CRYL1: variants seen among roughly 807,000 people sequenced by gnomAD.
The protein encoded by CRYL1 is crystallin lambda 1.
In CRYL1, 29 loss-of-function variants were observed where a neutral mutation model predicts 36.6. The ratio of observed to expected loss-of-function variants is 0.79; its 90% CI spans 0.59 to 1.08. CRYL1 has a LOEUF of 1.08. CRYL1 is among the 50% of genes least tolerant of loss of function. The pLI is 0.00. For missense variants in CRYL1, 411 were observed against 407.9 expected (o/e 1.01, Z -0.06); for synonymous variants, 152 against 151.5 (o/e 1.00, Z -0.02).
intron 5 of CRYL1, chr13:20,426,587 A>G: frequency 1.7e-6 from 1 of 590,758 alleles, no homozygotes; most frequent in Non-Finnish European, 2.1e-6. Context: ...AGTCAGAAAC[A>G]AGAGACACAC....
intron 3 of CRYL1, chr13:20,476,819 T>TC (rs1403829453): frequency 6.6e-6 from 1 of 152,276 alleles, no homozygotes; most frequent in Non-Finnish European, 1.5e-5. Flanking sequence ...GCCCAGGAGT[T>TC]CAAGACCAGC....
Position 20,424,587 on chromosome 13 carries a change from C to T in CRYL1, c.633+7515G>A, listed in dbSNP as rs138314708. 6.9e-3 allele frequency among the ~76,000 whole-genome samples: 1,050 copies of T among 152,296 alleles called. 6 individuals carry two copies. Among genetic ancestry groups the T allele is most frequent in the African/African-American group, 0.024 (982 of 41,558 alleles). On this transcript the variant is annotated intron_variant, in intron 5 of 7. Coordinates refer to ENST00000298248, the MANE Select transcript of CRYL1 (RefSeq NM_015974.3). ...GAAAGGCACAGCATCCTGGGGTGCC[C>T]GAGGGATCAGCTCTAAGCGGCACCT...
chr13:20,496,919 T>A (rs1185106076), intron 2 of CRYL1, among the ~76,000 whole-genome samples: 2 of 151,254 alleles, frequency 1.3e-5, no homozygotes, highest in African/African-American at 4.9e-5. Context: ...ATATGCTAAT[T>A]TTTTGGAAAA....
At chr13:20,462,191 C>CAG (rs2032844025) in intron 3 of CRYL1, among the ~76,000 whole-genome samples, 1 of 15,850 alleles carries the variant, frequency 6.3e-5, no homozygotes, top group Admixed American at 6.0e-4. Flanking sequence ...AGTGGGAGGA[C>CAG]GACCTAGTGG....
chr13:20,439,525 A>AAAAG, intron 4 of CRYL1, 68 bp downstream of exon 4: 2 of 1,076,424 alleles, frequency 1.9e-6, no homozygotes, highest in East Asian at 3.1e-5. Flanking sequence ...AAAAAAAAAA[A>AAAAG]AAAAAGAAAA....
At chr13:20,496,414 T>A (rs150529638) in intron 2 of CRYL1, among the ~76,000 whole-genome samples, 5 of 152,196 alleles carry the variant, frequency 3.3e-5, no homozygotes, top group Admixed American at 1.3e-4. Context: ...AATTTAGAAA[T>A]AAGTCGATTT....
At chr13:20,429,728 G>A (rs542302756) in intron 5 of CRYL1, among the ~76,000 whole-genome samples, 157 of 152,200 alleles carry the variant, frequency 1.0e-3, no homozygotes, top group African/African-American at 3.6e-3. Context: ...GCATGTCAGC[G>A]GCTACTTCAC....
chr13:20,426,717 A>G (rs2031941646), intron 5 of CRYL1: 1 of 985,404 alleles, frequency 1.0e-6, no homozygotes, highest in Admixed American at 6.1e-5. Context: ...ATTTTACTAC[A>G]TGATCTTTGA....
chr13:20,496,438 C>T (rs1250947850), intron 2 of CRYL1, among the ~76,000 whole-genome samples: 1 of 152,174 alleles, frequency 6.6e-6, no homozygotes, highest in African/African-American at 2.4e-5. Flanking sequence ...GTATAACAAG[C>T]TCATAGATTT....
chr13:20,404,823 G>C (rs1381027569), intron 6 of CRYL1, 82 bp from the exon 7 acceptor site: 2 of 958,004 alleles, frequency 2.1e-6, no homozygotes, highest in Admixed American at 1.8e-5. Flanking sequence ...TGCATTCAGA[G>C]AGTTTCACCC....
At chr13:20,473,135 T>A (rs546980382) in intron 3 of CRYL1, 29 of 152,370 alleles carry the variant, frequency 1.9e-4, no homozygotes, top group African/African-American at 6.7e-4. Flanking sequence ...TGCAATCTAA[T>A]TCTTGTTTTC....
rs2137396819 is a variant in CRYL1 at position 20,435,789 on chromosome 13, C to A, written c.439-3493G>T. 6.6e-6 allele frequency among the ~76,000 whole-genome samples: 1 copy of A among 152,330 alleles called. No homozygotes were observed. Among genetic ancestry groups the A allele is most frequent in the South Asian group, 2.1e-4 (1 of 4,832 alleles). ...TGTGACCGCGCCGACAGCGCGGCTG[C>A]CCACAGAGACTCCCTTCACCCCCGC... On this transcript the variant is annotated intron_variant, in intron 4 of 7. Transcript: ENST00000298248. The surrounding 1 kb of genome is among the most constrained non-coding windows in gnomAD (Gnocchi z 4.0).
At chr13:20,471,573 C>T (rs779669693) in intron 3 of CRYL1, among the ~76,000 whole-genome samples, 25 of 152,084 alleles carry the variant, frequency 1.6e-4, no homozygotes, top group Non-Finnish European at 2.9e-4. Context: ...CCACTGCACT[C>T]CAGCCTGGGC....
At chr13:20,482,262 C>T (rs1473589690) in intron 3 of CRYL1, among the ~76,000 whole-genome samples, 1 of 152,198 alleles carries the variant, frequency 6.6e-6, no homozygotes, top group East Asian at 1.9e-4. Context: ...TTTAACTTCT[C>T]GATTTCAGCT....
Position 20,427,068 on chromosome 13 carries a change from T to C in CRYL1, c.633+5034A>G, listed in dbSNP as rs532359740. 9.1e-6 allele frequency: 9 copies of C among 985,482 alleles called. No homozygotes were observed. The South Asian group carries it at 3.8e-4, about 41-fold the overall frequency. 61.0% of individuals were successfully genotyped at this position (985,482 alleles called of 1,614,324 possible). ...CATACCCTGCCCTCATGGGAAAGAA[T>C]TTACAGGCAACAAACTTAGCTACTG... On this transcript the variant is annotated intron_variant, in intron 5 of 7. Coordinates refer to ENST00000298248, the MANE Select transcript of CRYL1 (RefSeq NM_015974.3).
At chr13:20,473,658 G>A (rs1298350648) in intron 3 of CRYL1, among the ~76,000 whole-genome samples, 4 of 152,254 alleles carry the variant, frequency 2.6e-5, no homozygotes, top group East Asian at 1.9e-4. Flanking sequence ...TACAAACAAC[G>A]TAGAAGGAGC....
rs1214745596 is a variant in CRYL1, at chr13:20,415,112, G to A, written c.634-1725C>T. Among the ~76,000 whole-genome samples, 1 of 152,154 alleles carries A rather than the reference G, an allele frequency of 6.6e-6. No individual in the cohort carries two copies. Among genetic ancestry groups the A allele is most frequent in the Non-Finnish European group, 1.5e-5 (1 of 68,004 alleles). ...CTGAGCCCGGTTTCCCTACCCCGGG[G>A]CACCTCCCCTCGCCCGCACCCGGCC... On this transcript the variant is annotated intron_variant, in intron 5 of 7. Coordinates refer to ENST00000298248, the MANE Select transcript of CRYL1 (RefSeq NM_015974.3). The surrounding 1 kb of genome is among the most constrained non-coding windows in gnomAD (Gnocchi z 4.1).
intron 2 of CRYL1, among the ~76,000 whole-genome samples, chr13:20,504,886 T>A (rs2033765573): frequency 6.6e-6 from 1 of 152,158 alleles, no homozygotes. Flanking sequence ...GTTTTAATAT[T>A]TTTTTAAATC....
Position 20,525,778 on chromosome 13 carries a change from G to T in CRYL1, c.17C>A (p.Ala6Asp). 1 of 1,289,944 alleles carries T rather than the reference G, an allele frequency of 7.8e-7. No homozygotes were observed. Among genetic ancestry groups the T allele is most frequent in the Non-Finnish European group, 9.8e-7 (1 of 1,017,368 alleles). The allele number at this position is 1,289,944 out of a possible 1,614,324, so 79.9% of individuals were successfully genotyped here. A position where few individuals can be genotyped will look rare whatever the true frequency, so the allele number is the denominator to read the frequency against. The change falls in exon 1 of 8, where the codon GCC (alanine) becomes GAC (aspartate). Residue 6 changes from alanine to aspartate, a missense_variant. Coordinates refer to ENST00000298248, the MANE Select transcript of CRYL1 (RefSeq NM_015974.3). The surrounding 1 kb of genome is among the most constrained non-coding windows in gnomAD (Gnocchi z 4.3). The stretch of plus-strand genomic sequence containing the variant: ...CCTGCCAACGATCACCACGCAGCCG[G>T]CCGCGGAGGACGCCATGGTTGGGCC... MASSA[A>D]GCVVIVGSGV...
Sources: gnomAD v4.1 joint callset for allele counts (sites outside exome capture counted in the v4.1 genomes callset) on GRCh38, gnomAD v4.1.1 for gene constraint, Gnocchi (gnomAD v3.1) non-coding constraint, MANE v1.5 for transcripts, NCBI Gene and HGNC (gene_info 2026-07-23, HGNC 2026-07-21) for gene names.